Variants in SLIT3 observed in about 807,000 individuals in gnomAD.
SLIT3 encodes slit homolog 3 protein.
In SLIT3, 68 loss-of-function variants were observed where a neutral mutation model predicts 184.0. The ratio of observed to expected loss-of-function variants is 0.37; its 90% CI spans 0.30 to 0.45. The LOEUF (loss-of-function observed/expected upper bound fraction) is 0.45. Ranked by LOEUF, SLIT3 falls within the 20% of genes least tolerant of loss-of-function variation. The pLI is 1.00. For missense variants in SLIT3, 1,707 were observed against 2,026.0 expected (o/e 0.84, Z 3.02); for synonymous variants, 831 against 828.6 (o/e 1.00, Z -0.05).
At chr5:169,093,270 G>A (rs1759656018) in intron 4 of SLIT3, among the ~76,000 whole-genome samples, 1 of 152,114 alleles carries the variant, frequency 6.6e-6, no homozygotes, top group Non-Finnish European at 1.5e-5. Context: ...GCTTCTCCAG[G>A]ATTGTACCCT....
chr5:169,056,640 T>C (rs965252445), intron 4 of SLIT3, among the ~76,000 whole-genome samples: 3 of 152,218 alleles, frequency 2.0e-5, no homozygotes. Context: ...GACTTCAGCA[T>C]TAAATGCTGG....
intron 4 of SLIT3, among the ~76,000 whole-genome samples, chr5:169,095,886 T>TA (rs533696922): frequency 1.0e-3 from 154 of 152,350 alleles, no homozygotes; most frequent in African/African-American, 3.5e-3. Flanking sequence ...CAATACTTTT[T>TA]AAAACAATTT....
intron 12 of SLIT3, among the ~76,000 whole-genome samples, chr5:168,782,886 G>C (rs1561930361): frequency 6.6e-6 from 1 of 152,194 alleles, no homozygotes; most frequent in African/African-American, 2.4e-5. Context: ...CGCAGGAACT[G>C]AACGTGTTTA....
intron 4 of SLIT3, among the ~76,000 whole-genome samples, chr5:168,925,990 G>C (rs1761808670): frequency 6.6e-6 from 1 of 152,220 alleles, no homozygotes; most frequent in Admixed American, 6.5e-5. Flanking sequence ...CACTCAGAAA[G>C]TGATCTACGG....
At chr5:169,173,452 G>A (rs1427322891) in intron 4 of SLIT3, among the ~76,000 whole-genome samples, 5 of 152,132 alleles carry the variant, frequency 3.3e-5, no homozygotes, top group Non-Finnish European at 7.3e-5. Flanking sequence ...GAATTCCATC[G>A]AGTCCCTCCA....
At chr5:168,743,154 A>T in intron 20 of SLIT3, among the ~76,000 whole-genome samples, 1 of 152,106 alleles carries the variant, frequency 6.6e-6, no homozygotes, top group East Asian at 1.9e-4. Context: ...ACTCTGGAGG[A>T]GTCTGGGTCG....
intron 4 of SLIT3, among the ~76,000 whole-genome samples, chr5:168,943,790 A>G (rs933699191): frequency 1.3e-5 from 2 of 152,172 alleles, no homozygotes; most frequent in Non-Finnish European, 2.9e-5. Context: ...TCTCACCTCC[A>G]TGCTCACACA....
chr5:169,171,543 C>T (rs965809284), intron 4 of SLIT3, among the ~76,000 whole-genome samples: 2 of 152,202 alleles, frequency 1.3e-5, no homozygotes, highest in Non-Finnish European at 2.9e-5. Context: ...GTATAGCACT[C>T]CCTAGATTGA....
At chr5:168,818,043 C>T (rs1016162161) in intron 7 of SLIT3, among the ~76,000 whole-genome samples, 18 of 143,452 alleles carry the variant, frequency 1.3e-4, no homozygotes. Flanking sequence ...GAGCAGGCTG[C>T]AGACAGAAGG....
chr5:168,745,681 G>T (rs1763775424), intron 20 of SLIT3, among the ~76,000 whole-genome samples: 1 of 152,200 alleles, frequency 6.6e-6, no homozygotes, highest in Admixed American at 6.5e-5. Flanking sequence ...CAAAGTGCTG[G>T]GATTACAGGC....
chr5:169,042,325 A>C (rs1757472635), intron 4 of SLIT3, among the ~76,000 whole-genome samples: 1 of 152,212 alleles, frequency 6.6e-6, no homozygotes, highest in Non-Finnish European at 1.5e-5. Flanking sequence ...TTCAACCCTC[A>C]AAGTCAGCAC....
intron 35 of SLIT3, among the ~76,000 whole-genome samples, chr5:168,667,119 G>GAAAACA (rs1269664257): frequency 6.6e-6 from 1 of 152,106 alleles, no homozygotes; most frequent in Non-Finnish European, 1.5e-5. Flanking sequence ...TGCCTTCCTT[G>GAAAACA]AAAACAAGGA....
At chr5:169,218,020 C>T (rs1257703352) in intron 3 of SLIT3, among the ~76,000 whole-genome samples, 2 of 152,166 alleles carry the variant, frequency 1.3e-5, no homozygotes, top group Admixed American at 6.5e-5. Flanking sequence ...TAATTCAGTG[C>T]CTAACATGGG....
intron 4 of SLIT3, among the ~76,000 whole-genome samples, chr5:169,111,393 T>C (rs923085404): frequency 1.2e-4 from 18 of 152,234 alleles, no homozygotes; most frequent in Admixed American, 6.5e-4. Context: ...TACTCAACCA[T>C]GCAGTTATAA....
chr5:169,084,036 T>C (rs1005390645), intron 4 of SLIT3, among the ~76,000 whole-genome samples: 2 of 152,188 alleles, frequency 1.3e-5, no homozygotes, highest in Non-Finnish European at 2.9e-5. Flanking sequence ...GCATTTGTTC[T>C]TTTCCAAAAG....
At chr5:169,273,625 A>ATTGTTGGAGGTGAACG (rs1213980354) in intron 1 of SLIT3, among the ~76,000 whole-genome samples, 1 of 152,224 alleles carries the variant, frequency 6.6e-6, no homozygotes, top group Non-Finnish European at 1.5e-5. Context: ...TTCAATGTGC[A>ATTGTTGGAGGTGAACG]GCTAGGGTTG....
chr5:169,227,997 T>C (rs968313801), intron 3 of SLIT3, among the ~76,000 whole-genome samples: 2 of 152,290 alleles, frequency 1.3e-5, no homozygotes, highest in Middle Eastern at 3.4e-3. Context: ...TAGAGAAACA[T>C]GTCTAAGTAA....
chr5:168,796,733 C>T (rs975449067), intron 9 of SLIT3, among the ~76,000 whole-genome samples: 27 of 152,206 alleles, frequency 1.8e-4, no homozygotes, highest in African/African-American at 6.0e-4. Flanking sequence ...GGGAGACAGT[C>T]GTATTAATTT....
Position 168,687,035 on chromosome 5 carries a change from C to T in SLIT3, c.3258G>A (p.Gly1086=), listed in dbSNP as rs777858194. 6.2e-6 allele frequency: 10 copies of T among 1,614,272 alleles called. No individual in the cohort carries two copies. The South Asian group carries it at 9.9e-5, about 16-fold the overall frequency. ...CATTGATTGTGTCCACGCACTGGGC[C>T]CCGTGGCGGCACTTGTGGGCCACAC... is the stretch of plus-strand genomic sequence containing the variant. ...DDCVAHKCRH[G]AQCVDTINGY... The change falls in exon 30 of 36, where the codon GGG becomes GGA. Residue 1086 remains glycine, a synonymous_variant. Coordinates refer to ENST00000519560, the MANE Select transcript of SLIT3 (RefSeq NM_003062.4).
Sources: gnomAD v4.1 joint callset for allele counts (sites outside exome capture counted in the v4.1 genomes callset) on GRCh38, gnomAD v4.1.1 for gene constraint, MANE v1.5 for transcripts, NCBI Gene and HGNC (gene_info 2026-07-23, HGNC 2026-07-21) for gene names.